The following PBX1 variants were observed in gnomAD, a reference collection of about 807,000 sequenced individuals.
The protein encoded by PBX1 is pre-B-cell leukemia transcription factor 1.
In PBX1, 6 loss-of-function variants were observed where a neutral mutation model predicts 53.4. That is an observed-to-expected ratio of 0.11 (90% CI 0.06 to 0.22). PBX1 has a LOEUF of 0.22. PBX1 is among the 10% of genes least tolerant of loss of function. PBX1 has a pLI of 1.00. For missense variants in PBX1, 251 were observed against 551.4 expected, an observed-to-expected ratio of 0.46 and a Z score of 5.46; for synonymous variants, 204 against 212.3, an observed-to-expected ratio of 0.96 and a Z score of 0.34.
At chr1:164,614,708 G>T (rs966022885) in intron 2 of PBX1, among the ~76,000 whole-genome samples, 1 of 152,192 alleles carries the variant, frequency 6.6e-6, no homozygotes, top group Non-Finnish European at 1.5e-5. Context: ...ACTTGGTTAT[G>T]ACAAACAGGT....
chr1:164,717,174 C>T (rs995617539), intron 2 of PBX1, among the ~76,000 whole-genome samples: 1 of 152,096 alleles, frequency 6.6e-6, no homozygotes, highest in African/African-American at 2.4e-5. Flanking sequence ...TGTGTCACCA[C>T]CGGAAGGATA....
rs371393979 is a variant in PBX1, at chr1:164,751,356, TCA to T, written c.266-41137_266-41136del. On this transcript the variant is annotated intron_variant, in intron 2 of 8. Coordinates refer to ENST00000420696, the MANE Select transcript of PBX1 (RefSeq NM_002585.4). ...AAGATGGTATTTGCTTTATTTACTCTCAGTCTTTTATGAATGTGTACAATGGA... is the reference window on the plus strand; with the variant it reads ...AAGATGGTATTTGCTTTATTTACTCTGTCTTTTATGAATGTGTACAATGGA... Among the ~76,000 whole-genome samples, 459 of 151,526 alleles carry T rather than the reference TCA, an allele frequency of 3.0e-3. 2 individuals carry two copies. Among genetic ancestry groups the T allele is most frequent in the African/African-American group, 0.011 (444 of 41,332 alleles).
chr1:164,651,099 G>A (rs1428815785), intron 2 of PBX1, among the ~76,000 whole-genome samples: 1 of 152,016 alleles, frequency 6.6e-6, no homozygotes, highest in Non-Finnish European at 1.5e-5. Flanking sequence ...TGATGAATTC[G>A]GTTTCCACCA....
At chr1:164,617,724 A>G (rs975715303) in intron 2 of PBX1, among the ~76,000 whole-genome samples, 17 of 152,178 alleles carry the variant, frequency 1.1e-4, no homozygotes, top group African/African-American at 3.6e-4. Context: ...GTGTCTTAAA[A>G]ATGTACTTGC....
At position 164,820,090 on chromosome 1, in the gene PBX1, A is replaced by G. The variant is rs1310898359; in HGVS notation, c.1016A>G (p.Asn339Ser). Reference sequence around the variant, plus strand: ...TTTCCAGGTTCTTCCAGTTCTTTTAACATGTCAAACTCTGGAGATTTGTTC... The same window carrying G: ...TTTCCAGGTTCTTCCAGTTCTTTTAGCATGTCAAACTCTGGAGATTTGTTC... ...PNSAGSSSSF[N>S]MSNSGDLFMS... Residue 339 changes from asparagine (N) to serine (S), a missense_variant, in exon 7 of 9, where the codon AAC (asparagine) becomes AGC (serine). This residue lies in a region of PBX1 where 92 missense variants were observed against 130.4 expected (regional missense o/e 0.71). Transcript: ENST00000420696. 6.2e-7 allele frequency: 1 copy of G among 1,611,322 alleles called. No individual in the cohort carries two copies. The highest frequency in any genetic ancestry group is 2.2e-5 in the East Asian group (1 of 44,802).
At chr1:164,624,623 T>C (rs1033927954) in intron 2 of PBX1, among the ~76,000 whole-genome samples, 10 of 152,228 alleles carry the variant, frequency 6.6e-5, no homozygotes, top group African/African-American at 1.9e-4. Context: ...TGGACACACA[T>C]GCAGATAAAT....
chr1:164,721,247 C>T (rs1664391182), intron 2 of PBX1, among the ~76,000 whole-genome samples: 1 of 152,192 alleles, frequency 6.6e-6, no homozygotes, highest in Admixed American at 6.5e-5. Context: ...CACGGAGGAA[C>T]AGGGGACTCA....
intron 8 of PBX1, among the ~76,000 whole-genome samples, chr1:164,842,067 A>G (rs1044238005): frequency 2.0e-5 from 3 of 152,150 alleles, no homozygotes; most frequent in Non-Finnish European, 4.4e-5. Context: ...CTGCTAAGGT[A>G]ATCGCAGAGG....
chr1:164,615,120 G>C (rs917065714), intron 2 of PBX1, among the ~76,000 whole-genome samples: 3 of 152,148 alleles, frequency 2.0e-5, no homozygotes, highest in East Asian at 1.9e-4. Flanking sequence ...TTAATTCTTA[G>C]GTAGTCAGGA....
At chr1:164,855,370 G>C (rs1386682709), downstream of PBX1, among the ~76,000 whole-genome samples, 1 of 152,168 alleles carries the variant, frequency 6.6e-6, no homozygotes, top group Non-Finnish European at 1.5e-5. Flanking sequence ...AAAGTCGAAG[G>C]CCTGCCTTCT....
intron 2 of PBX1, among the ~76,000 whole-genome samples, chr1:164,580,622 G>A (rs142029438): frequency 8.8e-4 from 133 of 151,846 alleles, no homozygotes; most frequent in African/African-American, 3.1e-3. Flanking sequence ...GGTTGCCCAG[G>A]CTAGAGTGCA....
chr1:164,860,954 A>T (rs1015925163), intron 2 of PBX1, among the ~76,000 whole-genome samples: 4 of 152,034 alleles, frequency 2.6e-5, no homozygotes, highest in African/African-American at 9.7e-5. Flanking sequence ...TACAGAGAGA[A>T]GGGGTGGGAG....
intron 2 of PBX1, among the ~76,000 whole-genome samples, chr1:164,589,937 G>C (rs182726699): frequency 6.6e-6 from 1 of 152,162 alleles, no homozygotes; most frequent in African/African-American, 2.4e-5. Flanking sequence ...GGCCAGGTGC[G>C]GTGGCTCATG....
intron 8 of PBX1, among the ~76,000 whole-genome samples, chr1:164,837,628 A>G (rs1423566294): frequency 6.6e-6 from 1 of 152,242 alleles, no homozygotes; most frequent in Non-Finnish European, 1.5e-5. Context: ...AGATATAAGT[A>G]GAATTCTCTG....
At chr1:164,734,759 G>T (rs1665177194) in intron 2 of PBX1, among the ~76,000 whole-genome samples, 1 of 152,126 alleles carries the variant, frequency 6.6e-6, no homozygotes, top group African/African-American at 2.4e-5. Flanking sequence ...TGCCTGGACA[G>T]CATGCAAGGG....
intron 8 of PBX1, among the ~76,000 whole-genome samples, chr1:164,837,144 A>G (rs1671077831): frequency 6.6e-6 from 1 of 152,206 alleles, no homozygotes; most frequent in South Asian, 2.1e-4. Context: ...AGGTTCACAC[A>G]TACTGGCTGT....
At chr1:164,641,879 C>A (rs1659167603) in intron 2 of PBX1, 1 of 152,198 alleles carries the variant, frequency 6.6e-6, no homozygotes, top group South Asian at 2.1e-4. Context: ...AGCTAACACC[C>A]TTCCTTTAAG....
chr1:164,745,358 C>A (rs936492307), intron 2 of PBX1, among the ~76,000 whole-genome samples: 8 of 152,166 alleles, frequency 5.3e-5, no homozygotes, highest in African/African-American at 1.9e-4. Flanking sequence ...AGTGATATTT[C>A]ATCTATATAA....
At chr1:164,867,417 G>A (rs1323247256) in intron 2 of PBX1, among the ~76,000 whole-genome samples, 1 of 152,166 alleles carries the variant, frequency 6.6e-6, no homozygotes, top group Admixed American at 6.5e-5. Flanking sequence ...GCAGAAAAAA[G>A]AAAGCCCTGC....
Sources: allele counts gnomAD v4.1 joint callset (sites outside exome capture counted in the v4.1 genomes callset), GRCh38; gene constraint gnomAD v4.1.1; regional missense constraint gnomAD v4.1.1; transcripts MANE v1.5; gene names NCBI Gene and HGNC (gene_info 2026-07-23, HGNC 2026-07-21).